The following DPP10 variants were observed in gnomAD, a reference collection of about 807,000 sequenced individuals.
DPP10 encodes inactive dipeptidyl peptidase 10.
A neutral mutation model predicts 120.9 loss-of-function variants in DPP10; 33 were observed. The observed-to-expected ratio is 0.27, with a 90% confidence interval of 0.21 to 0.37. The LOEUF (loss-of-function observed/expected upper bound fraction) is 0.37. DPP10 is among the 10% of genes least tolerant of loss of function. The pLI is 1.00. For missense variants in DPP10, 816 were observed against 942.8 expected (o/e 0.87, Z 1.76); for synonymous variants, 337 against 326.1 (o/e 1.03, Z -0.36).
At chr2:115,024,124 C>G (rs893173548) in intron 1 of DPP10, among the ~76,000 whole-genome samples, 3 of 151,952 alleles carry the variant, frequency 2.0e-5, no homozygotes, top group Non-Finnish European at 4.4e-5. Context: ...ATTCAGGTAA[C>G]CAAACACCAC....
intron 1 of DPP10, among the ~76,000 whole-genome samples, chr2:114,464,617 C>T (rs976968535): frequency 6.6e-6 from 1 of 152,110 alleles, no homozygotes; most frequent in African/African-American, 2.4e-5. Context: ...GTATTTCTAT[C>T]CTCTTTTTGT....
At chr2:115,278,098 G>C (rs2059992346) in intron 1 of DPP10, among the ~76,000 whole-genome samples, 1 of 152,144 alleles carries the variant, frequency 6.6e-6, no homozygotes, top group Non-Finnish European at 1.5e-5. Flanking sequence ...TTCTACTTAC[G>C]CTATTCGGGC....
chr2:115,196,215 G>C (rs2055255139), intron 1 of DPP10, among the ~76,000 whole-genome samples: 1 of 152,164 alleles, frequency 6.6e-6, no homozygotes, highest in African/African-American at 2.4e-5. Flanking sequence ...AAGAATTGCA[G>C]CTGCTGCAGA....
At chr2:114,837,031 A>G (rs944080322) in intron 1 of DPP10, among the ~76,000 whole-genome samples, 1 of 152,160 alleles carries the variant, frequency 6.6e-6, no homozygotes, top group East Asian at 1.9e-4. Flanking sequence ...ATATTGTTCA[A>G]ACACACATGC....
chr2:115,775,736 A>G (rs1185361616), intron 13 of DPP10, among the ~76,000 whole-genome samples: 1 of 152,152 alleles, frequency 6.6e-6, no homozygotes, highest in Non-Finnish European at 1.5e-5. Flanking sequence ...CAGAAAAGAC[A>G]GTATAAGAAA....
At chr2:114,521,768 G>A (rs1478985373) in intron 1 of DPP10, among the ~76,000 whole-genome samples, 1 of 150,586 alleles carries the variant, frequency 6.6e-6, no homozygotes, top group African/African-American at 2.4e-5. Context: ...AGAACACAGA[G>A]GAAAAATTGT....
At chr2:115,204,831 G>T (rs1379420086) in intron 1 of DPP10, among the ~76,000 whole-genome samples, 1 of 152,104 alleles carries the variant, frequency 6.6e-6, no homozygotes, top group Non-Finnish European at 1.5e-5. Flanking sequence ...GTATTGATTT[G>T]CATTTCGCTG....
intron 4 of DPP10, among the ~76,000 whole-genome samples, chr2:115,524,810 A>G (rs1476299707): frequency 2.0e-5 from 3 of 152,140 alleles, no homozygotes; most frequent in African/African-American, 7.2e-5. Context: ...AACAAAAGAC[A>G]TTTCTATCAT....
chr2:115,246,990 C>T (rs997663717), intron 1 of DPP10, among the ~76,000 whole-genome samples: 3 of 152,072 alleles, frequency 2.0e-5, no homozygotes, highest in South Asian at 2.1e-4. Flanking sequence ...CAAAGACCTA[C>T]GTCAGTTTTC....
In DPP10 at chr2:115,834,496, AG is replaced by A. The variant is rs1689247317; in HGVS notation, c.1951-1660del. On this transcript the variant is annotated intron_variant, in intron 21 of 25. Coordinates refer to ENST00000410059, the MANE Select transcript of DPP10 (RefSeq NM_020868.6). ...AATTAATTTCTAAAACAGATAGCTC[AG>A]TAGGTCATTTTTTTTTTTCAGCATT... Among the ~76,000 whole-genome samples, 4 of 136,768 alleles carry A rather than the reference AG, an allele frequency of 2.9e-5. No individual in the cohort carries two copies. The South Asian group carries it at 9.7e-4, about 33-fold the overall frequency. 89.7% of individuals were successfully genotyped at this position (136,768 alleles called of 152,430 possible).
intron 1 of DPP10, among the ~76,000 whole-genome samples, chr2:114,851,969 G>A (rs1293738917): frequency 6.6e-6 from 1 of 151,742 alleles, no homozygotes; most frequent in Non-Finnish European, 1.5e-5. Context: ...CATAAACACT[G>A]CAAAGGCTGT....
chr2:115,124,130 T>C (rs2104751420), intron 1 of DPP10, among the ~76,000 whole-genome samples: 1 of 152,100 alleles, frequency 6.6e-6, no homozygotes, highest in South Asian at 2.1e-4. Flanking sequence ...TATGTAAAAG[T>C]GGGGCTCTTG....
chr2:115,254,377 G>A (rs1457079969), intron 1 of DPP10, among the ~76,000 whole-genome samples: 1 of 152,132 alleles, frequency 6.6e-6, no homozygotes, highest in African/African-American at 2.4e-5. Context: ...TTCTCCACCT[G>A]CTCTCTCCCA....
intron 5 of DPP10, among the ~76,000 whole-genome samples, chr2:115,572,000 C>A (rs2081363031): frequency 6.6e-6 from 1 of 151,886 alleles, no homozygotes; most frequent in South Asian, 2.1e-4. Flanking sequence ...AGTATTTTAC[C>A]CAGCTATTGT....
At chr2:114,742,098 A>G (rs891236759) in intron 1 of DPP10, among the ~76,000 whole-genome samples, 5 of 152,182 alleles carry the variant, frequency 3.3e-5, no homozygotes, top group Admixed American at 2.6e-4. Context: ...AAATTTTAAC[A>G]TTTTTACATA....
chr2:115,473,521 T>A (rs1428067604), intron 3 of DPP10, among the ~76,000 whole-genome samples: 2 of 152,120 alleles, frequency 1.3e-5, no homozygotes, highest in Non-Finnish European at 2.9e-5. Context: ...GTGAGACTCA[T>A]GGGGTAAACT....
At chr2:115,552,318 A>G (rs899928896) in intron 5 of DPP10, among the ~76,000 whole-genome samples, 3 of 152,124 alleles carry the variant, frequency 2.0e-5, no homozygotes, top group African/African-American at 7.2e-5. Flanking sequence ...GGAGGTGAAG[A>G]CATTTGTGTA....
chr2:114,801,262 CAAA>C (rs1174819592), intron 1 of DPP10, among the ~76,000 whole-genome samples: 670 of 59,666 alleles, frequency 0.011, 2 homozygotes, highest in African/African-American at 0.013. Flanking sequence ...GACTCTGTAT[CAAA>C]AAAAAAAAAA....
intron 3 of DPP10, among the ~76,000 whole-genome samples, chr2:115,346,482 T>C (rs2063718178): frequency 6.6e-6 from 1 of 152,124 alleles, no homozygotes; most frequent in Admixed American, 6.6e-5. Context: ...TCATTATGCT[T>C]GGTCTCAAAA....
Sources: allele counts gnomAD v4.1 joint callset (sites outside exome capture counted in the v4.1 genomes callset), GRCh38; gene constraint gnomAD v4.1.1; transcripts MANE v1.5; gene names NCBI Gene and HGNC (gene_info 2026-07-23, HGNC 2026-07-21).